Variants in VEPH1 observed in about 807,000 individuals in gnomAD.
The protein encoded by VEPH1 is ventricular zone-expressed PH domain-containing protein homolog 1.
VEPH1 carries 80 observed loss-of-function variants against 85.2 expected under a neutral mutation model. The ratio of observed to expected loss-of-function variants is 0.94; its 90% CI spans 0.78 to 1.13. The LOEUF (loss-of-function observed/expected upper bound fraction) is 1.13, where lower values mean the gene tolerates loss of function less well. VEPH1 is among the 50% of genes most tolerant of loss of function. VEPH1 has a pLI of 0.00. For synonymous variants in VEPH1, 297 were observed against 348.0 expected, an observed-to-expected ratio of 0.85 and a Z score of 1.63; for missense variants, 955 against 980.5, an observed-to-expected ratio of 0.97 and a Z score of 0.35.
chr3:157,465,451 T>A (rs1030240775), intron 3 of VEPH1, among the ~76,000 whole-genome samples: 1 of 152,234 alleles, frequency 6.6e-6, no homozygotes, highest in African/African-American at 2.4e-5. Context: ...AATTTAATTT[T>A]CACAGCAAAC....
intron 3 of VEPH1, among the ~76,000 whole-genome samples, chr3:157,467,582 C>T (rs1291357107): frequency 6.6e-6 from 1 of 152,184 alleles, no homozygotes; most frequent in East Asian, 1.9e-4. Flanking sequence ...GCCTTTAGTT[C>T]CTGGTGCTGC....
chr3:157,323,545 C>T (rs1333116425), intron 9 of VEPH1, among the ~76,000 whole-genome samples: 1 of 152,076 alleles, frequency 6.6e-6, no homozygotes, highest in Non-Finnish European at 1.5e-5. Context: ...GCTGGTGGGC[C>T]CCTGGCTATA....
chr3:157,419,030 A>G (rs1317366525), intron 5 of VEPH1, among the ~76,000 whole-genome samples: 2 of 152,172 alleles, frequency 1.3e-5, no homozygotes, highest in Non-Finnish European at 2.9e-5. Flanking sequence ...AAGACCACAC[A>G]TCCACAACTA....
At chr3:157,462,000 A>G (rs1735920361) in intron 3 of VEPH1, among the ~76,000 whole-genome samples, 1 of 150,496 alleles carries the variant, frequency 6.6e-6, no homozygotes, top group Non-Finnish European at 1.5e-5. Flanking sequence ...GAAGATATCT[A>G]TAATATGTTC....
intron 4 of VEPH1, among the ~76,000 whole-genome samples, chr3:157,451,607 T>C (rs539261552): frequency 3.9e-4 from 59 of 152,324 alleles, no homozygotes; most frequent in African/African-American, 1.1e-3. Flanking sequence ...GATTCACTCA[T>C]AAGCATAAAA....
intron 6 of VEPH1, among the ~76,000 whole-genome samples, chr3:157,391,234 GC>G (rs1368233881): frequency 6.6e-6 from 1 of 152,220 alleles, no homozygotes; most frequent in Non-Finnish European, 1.5e-5. Flanking sequence ...GGGCAGAGGT[GC>G]CACTGGCCAT....
At chr3:157,292,893 G>T (rs1717676094) in intron 11 of VEPH1, among the ~76,000 whole-genome samples, 1 of 147,634 alleles carries the variant, frequency 6.8e-6, no homozygotes, top group African/African-American at 2.5e-5. Flanking sequence ...TGAGGCAGGA[G>T]AATCGCTTGA....
At chr3:157,492,964 C>T (rs1739349529) in intron 2 of VEPH1, among the ~76,000 whole-genome samples, 1 of 152,024 alleles carries the variant, frequency 6.6e-6, no homozygotes, top group African/African-American at 2.4e-5. Context: ...CATGATAAAT[C>T]ACCCCCTGCT....
chr3:157,288,558 T>C (rs1014389390), intron 11 of VEPH1, among the ~76,000 whole-genome samples: 2 of 152,140 alleles, frequency 1.3e-5, no homozygotes, highest in African/African-American at 4.8e-5. Context: ...TGGATTAGCA[T>C]TGGTTTGTAG....
At chr3:157,416,904 G>A (rs2109050217) in intron 5 of VEPH1, among the ~76,000 whole-genome samples, 1 of 151,158 alleles carries the variant, frequency 6.6e-6, no homozygotes, top group Middle Eastern at 3.4e-3. Flanking sequence ...GAGAAAGGAA[G>A]GACGGAAGGA....
At chr3:157,268,049 C>T (rs1056577782) in intron 12 of VEPH1, among the ~76,000 whole-genome samples, 13 of 152,196 alleles carry the variant, frequency 8.5e-5, no homozygotes, top group Admixed American at 6.5e-4. Flanking sequence ...TATAAACTTA[C>T]AATTAATATC....
chr3:157,376,976 G>T (rs1385422022), intron 7 of VEPH1, among the ~76,000 whole-genome samples: 1 of 152,078 alleles, frequency 6.6e-6, no homozygotes, highest in African/African-American at 2.4e-5. Flanking sequence ...TTTCTGCTTT[G>T]GGGGCAGGTT....
intron 3 of VEPH1, among the ~76,000 whole-genome samples, chr3:157,465,761 C>T (rs1736306901): frequency 6.6e-6 from 1 of 152,146 alleles, no homozygotes; most frequent in Admixed American, 6.5e-5. Flanking sequence ...AACAGCAGGT[C>T]CTTCTATAAA....
chr3:157,445,920 AAAC>A (rs1410879344), intron 4 of VEPH1, among the ~76,000 whole-genome samples: 66 of 152,364 alleles, frequency 4.3e-4, no homozygotes, highest in African/African-American at 1.4e-3. Flanking sequence ...TGACTTAAAA[AAAC>A]AACAACAACT....
chr3:157,293,116 A>G (rs147367464), intron 11 of VEPH1, among the ~76,000 whole-genome samples: 1 of 152,344 alleles, frequency 6.6e-6, no homozygotes, highest in Non-Finnish European at 1.5e-5. Flanking sequence ...ATACGGCAAG[A>G]AGAGATCAGG....
intron 6 of VEPH1, among the ~76,000 whole-genome samples, chr3:157,390,448 G>A (rs978819815): frequency 6.6e-6 from 1 of 152,172 alleles, no homozygotes; most frequent in Non-Finnish European, 1.5e-5. Context: ...TGGAGATATT[G>A]AAACTTGTTT....
At chr3:157,460,157 C>T in intron 4 of VEPH1, 24 bp downstream of exon 4, 1 of 1,614,152 alleles carries the variant, frequency 6.2e-7, no homozygotes, top group Non-Finnish European at 8.5e-7. Flanking sequence ...AAACATGTCC[C>T]CAAGCTCAAC....
At chr3:157,292,365 C>T in intron 11 of VEPH1, among the ~76,000 whole-genome samples, 1 of 152,132 alleles carries the variant, frequency 6.6e-6, no homozygotes, top group East Asian at 1.9e-4. Flanking sequence ...TGTCAATCTC[C>T]ATGTGCATAT....
At chr3:157,277,891 C>T (rs1339400197) in intron 12 of VEPH1, among the ~76,000 whole-genome samples, 1 of 152,184 alleles carries the variant, frequency 6.6e-6, no homozygotes, top group Non-Finnish European at 1.5e-5. Context: ...TGAATATCTA[C>T]CTTTTTCTTG....
Sources: gnomAD v4.1 joint callset for allele counts (sites outside exome capture counted in the v4.1 genomes callset) on GRCh38, gnomAD v4.1.1 for gene constraint, MANE v1.5 for transcripts, NCBI Gene and HGNC (gene_info 2026-07-23, HGNC 2026-07-21) for gene names.